The following CRYBG1 variants were observed in gnomAD, a reference collection of about 807,000 sequenced individuals.
CRYBG1 encodes crystallin beta-gamma domain containing 1, also known as beta/gamma crystallin domain-containing protein 1.
A neutral mutation model predicts 189.2 loss-of-function variants in CRYBG1; 139 were observed. That is an observed-to-expected ratio of 0.73 (90% CI 0.64 to 0.85). The LOEUF is 0.85. Among genes scored for constraint, CRYBG1 ranks in the 40% least tolerant of loss-of-function variants. CRYBG1 has a pLI of 0.00. For synonymous variants in CRYBG1, 1,023 were observed against 1,017.1 expected (o/e 1.01, Z -0.11); for missense variants, 2,611 against 2,675.8 (o/e 0.98, Z 0.53).
chr6:106,542,808 C>T (rs2114572351), intron 10 of CRYBG1, among the ~76,000 whole-genome samples: 1 of 142,378 alleles, frequency 7.0e-6, no homozygotes, highest in South Asian at 2.3e-4. Flanking sequence ...ATCACTATGC[C>T]CAGCTAATTT....
intron 1 of CRYBG1, among the ~76,000 whole-genome samples, chr6:106,365,290 G>A (rs2114288721): frequency 6.6e-6 from 1 of 152,102 alleles, no homozygotes; most frequent in African/African-American, 2.4e-5. Context: ...AGCCAGGGGT[G>A]GTGGCGGACG....
chr6:106,495,953 T>C (rs1400893651), intron 2 of CRYBG1, among the ~76,000 whole-genome samples: 2 of 152,234 alleles, frequency 1.3e-5, no homozygotes, highest in Non-Finnish European at 2.9e-5. Flanking sequence ...TTTATTTTTC[T>C]TAATGGTAGG....
intron 1 of CRYBG1, among the ~76,000 whole-genome samples, chr6:106,422,344 A>ATTTATTTTTTTTTTTTTTTTTTTT (rs57640822): frequency 3.6e-5 from 5 of 139,924 alleles, no homozygotes; most frequent in East Asian, 2.2e-4. Flanking sequence ...TTATTTATTT[A>ATTTATTTTTTTTTTTTTTTTTTTT]TTTTTGAGAC....
intron 8 of CRYBG1, among the ~76,000 whole-genome samples, 156 bp from the exon 9 acceptor site, chr6:106,539,247 G>A (rs1464090162): frequency 1.3e-5 from 2 of 152,218 alleles, no homozygotes; most frequent in South Asian, 2.1e-4. Context: ...TTTTCCTTGA[G>A]TCTAGTGTGA....
intron 8 of CRYBG1, among the ~76,000 whole-genome samples, chr6:106,536,744 G>C (rs964836350): frequency 6.6e-6 from 1 of 152,170 alleles, no homozygotes; most frequent in Non-Finnish European, 1.5e-5. Context: ...CATACTGTTT[G>C]TTAAGTACGA....
At chr6:106,436,755 G>A (rs1360776699) in intron 1 of CRYBG1, among the ~76,000 whole-genome samples, 3 of 152,066 alleles carry the variant, frequency 2.0e-5, no homozygotes, top group Non-Finnish European at 4.4e-5. Flanking sequence ...ATTACCATAA[G>A]CATATTATAA....
At position 106,432,517 on chromosome 6, in the gene CRYBG1, A is replaced by T. The variant is rs1771349499; in HGVS notation, c.174-19177A>T. On this transcript the variant is annotated intron_variant, in intron 1 of 21. Transcript: ENST00000633556. The stretch of plus-strand genomic sequence containing the variant: ...AAAGATGACCCAGTACCTACCCCCC[A>T]GGGAGTTAAGTATGTTCCAAGGGAA... Among the ~76,000 whole-genome samples, 4 of 35,658 alleles carry T rather than the reference A, an allele frequency of 1.1e-4. No individual in the cohort carries two copies. In the Admixed American group the frequency reaches 1.5e-3, roughly 13 times the overall value. The allele number at this position is 35,658 out of a possible 152,430, so 23.4% of individuals were successfully genotyped here. A position where few individuals can be genotyped will look rare whatever the true frequency, so the allele number is the denominator to read the frequency against.
intron 1 of CRYBG1, among the ~76,000 whole-genome samples, chr6:106,382,762 G>T (rs921753310): frequency 7.2e-5 from 11 of 152,016 alleles, no homozygotes; most frequent in African/African-American, 2.4e-4. Context: ...CAAGTGTTTG[G>T]AAATAGTTTC....
At position 106,397,412 on chromosome 6, in the gene CRYBG1, G is replaced by A. The variant is rs116225030; in HGVS notation, c.173+36331G>A. On this transcript the variant is annotated intron_variant, in intron 1 of 21. Transcript: ENST00000633556. Reference sequence around the variant, plus strand: ...AAACCATTTTATTTTTAATATGTGTGTGACTATAGACTCAAAGAGAACTTG... The same window carrying A: ...AAACCATTTTATTTTTAATATGTGTATGACTATAGACTCAAAGAGAACTTG... Among the ~76,000 whole-genome samples the A allele has an allele frequency of 4.9e-3, 744 of 152,286 alleles. 9 individuals are homozygous for A. The highest frequency in any genetic ancestry group is 0.017 in the African/African-American group (706 of 41,558).
intron 16 of CRYBG1, 134 bp downstream of exon 16, chr6:106,553,701 C>G (rs1028173860): frequency 1.5e-6 from 1 of 678,692 alleles, no homozygotes; most frequent in Non-Finnish European, 2.6e-6. Context: ...TGGCGTGCTT[C>G]GTGATATCTG....
chr6:106,532,630 G>A lies in CRYBG1; in HGVS notation c.4718+2315G>A, dbSNP rs1250127701. On this transcript the variant is annotated intron_variant, in intron 8 of 21. Transcript: ENST00000633556. ...TGGAGTGAGGTGGTATCTCATTGTG[G>A]TTTTGATTTGCATTTCCCTGATCTT... 2.6e-5 allele frequency among the ~76,000 whole-genome samples: 4 copies of A among 151,608 alleles called. No homozygotes were observed. In the East Asian group the frequency reaches 7.7e-4, roughly 29 times the overall value.
chr6:106,561,713 A>C (rs1317387827), intron 20 of CRYBG1, among the ~76,000 whole-genome samples: 2 of 152,240 alleles, frequency 1.3e-5, no homozygotes, highest in African/African-American at 2.4e-5. Context: ...GCACTGATCC[A>C]AGATAGAATA....
chr6:106,517,096 A>T (rs1467774529), intron 3 of CRYBG1, among the ~76,000 whole-genome samples: 1 of 141,262 alleles, frequency 7.1e-6, no homozygotes, highest in East Asian at 2.1e-4. Context: ...TGCAGCCTTG[A>T]TCTTCTGGAC....
intron 1 of CRYBG1, among the ~76,000 whole-genome samples, chr6:106,418,934 C>T (rs115734964): frequency 2.9e-3 from 448 of 152,346 alleles, no homozygotes; most frequent in African/African-American, 0.01. Flanking sequence ...GTCTGATTTA[C>T]ATAGGGCCTA....
In CRYBG1 at chr6:106,512,879, AG is replaced by A. The variant is rs1176323452; in HGVS notation, c.1766del (p.Gly589AlafsTer34). The A allele has an allele frequency of 6.3e-7, 1 of 1,596,456 alleles. No individual in the cohort carries two copies. The highest frequency in any genetic ancestry group is 1.1e-5 in the South Asian group (1 of 88,748). ...GCCGGAGATCAAGCCCGAGCACAAGAGGGGCCCGCTCCCCAACCACTTCAAC... is the reference window on the plus strand; with the variant it reads ...GCCGGAGATCAAGCCCGAGCACAAGAGGGCCCGCTCCCCAACCACTTCAAC... ...LLPEIKPEHK[R>X]GPLPNHFNGR... is the part of the protein sequence containing the mutation. On this transcript the variant is annotated frameshift_variant, in exon 3 of 22. Transcript: ENST00000633556. LOFTEE classifies it high-confidence loss of function.
intron 2 of CRYBG1, among the ~76,000 whole-genome samples, chr6:106,472,854 A>G (rs1447211106): frequency 1.3e-5 from 2 of 151,548 alleles, no homozygotes; most frequent in African/African-American, 2.4e-5. Context: ...CAGTGAGCCA[A>G]GATTGTGCCA....
intron 7 of CRYBG1, among the ~76,000 whole-genome samples, chr6:106,529,475 TCTGAG>T (rs1773828305): frequency 6.6e-6 from 1 of 152,218 alleles, no homozygotes; most frequent in South Asian, 2.1e-4. Flanking sequence ...AAAAGCCTCA[TCTGAG>T]CTTATTCAAG....
At position 106,551,835 on chromosome 6, in the gene CRYBG1, T is replaced by C. The variant is rs377227390; in HGVS notation, c.5313-17T>C. 5.0e-6 allele frequency: 8 copies of C among 1,609,690 alleles called. No homozygotes were observed. The highest frequency in any genetic ancestry group is 5.1e-6 in the Non-Finnish European group (6 of 1,176,680). ...GTAAAATATGAACTCCAACAAGTGATTGCTTTTGTTTCTTAGATGGGTAGC... is the reference window on the plus strand; with the variant it reads ...GTAAAATATGAACTCCAACAAGTGACTGCTTTTGTTTCTTAGATGGGTAGC... On this transcript the variant is annotated splice_polypyrimidine_tract_variant and intron_variant, in intron 13 of 21. Transcript: ENST00000633556.
Position 106,570,620 on chromosome 6 carries a change from G to A in CRYBG1, c.*2054G>A, listed in dbSNP as rs567753128. The A allele has an allele frequency of 6.6e-6, 1 of 152,316 alleles. No homozygotes were observed. The highest frequency in any genetic ancestry group is 2.1e-4 in the South Asian group (1 of 4,826). 9.4% of individuals were successfully genotyped at this position (152,316 alleles called of 1,614,324 possible). A position where few individuals can be genotyped will look rare whatever the true frequency, so the allele number is the denominator to read the frequency against. ...TCTCTTTCCAAACTCCATAGTTTCT[G>A]AGTGGAAACGAGGATGAGTGAGGTC... On this transcript the variant is annotated 3_prime_UTR_variant, in exon 22 of 22. Transcript: ENST00000633556.
Sources: gnomAD v4.1 joint callset for allele counts (sites outside exome capture counted in the v4.1 genomes callset) on GRCh38, gnomAD v4.1.1 for gene constraint, MANE v1.5 for transcripts, NCBI Gene and HGNC (gene_info 2026-07-23, HGNC 2026-07-21) for gene names.